Variants in PPP3CC observed in about 807,000 individuals in gnomAD.
The protein encoded by PPP3CC is protein phosphatase 3 catalytic subunit gamma, also known as serine/threonine-protein phosphatase 2B catalytic subunit gamma isoform.
A neutral mutation model predicts 60.3 loss-of-function variants in PPP3CC; 35 were observed. The ratio of observed to expected loss-of-function variants is 0.58; its 90% CI spans 0.44 to 0.77. PPP3CC has a LOEUF of 0.77. Ranked by LOEUF, PPP3CC falls within the 30% of genes least tolerant of loss-of-function variation. PPP3CC has a pLI of 0.00. For synonymous variants in PPP3CC, 206 were observed against 224.3 expected (o/e 0.92, Z 0.73); for missense variants, 570 against 628.9 (o/e 0.91, Z 1.00).
chr8:22,524,774 T>C (rs1234224728), intron 8 of PPP3CC, among the ~76,000 whole-genome samples: 2 of 152,214 alleles, frequency 1.3e-5, no homozygotes, highest in Non-Finnish European at 2.9e-5. Flanking sequence ...GCAGGCACTA[T>C]ACAGCTCACT....
intron 3 of PPP3CC, among the ~76,000 whole-genome samples, chr8:22,483,309 C>T (rs185583899): frequency 1.7e-4 from 26 of 152,220 alleles, no homozygotes; most frequent in Admixed American, 1.0e-3. Context: ...TATTTTGACA[C>T]GGAGTCTCGC....
intron 1 of PPP3CC, among the ~76,000 whole-genome samples, chr8:22,470,679 A>T (rs767706507): frequency 1.4e-4 from 21 of 152,244 alleles, no homozygotes; most frequent in Non-Finnish European, 2.1e-4. Flanking sequence ...ATCACTACTC[A>T]TCAGGGAAAT....
At chr8:22,464,977 T>C (rs1451242273) in intron 1 of PPP3CC, among the ~76,000 whole-genome samples, 2 of 120,076 alleles carry the variant, frequency 1.7e-5, no homozygotes, top group Non-Finnish European at 3.6e-5. Flanking sequence ...AGACTCTCCC[T>C]TTTTTTTTTT....
intron 12 of PPP3CC, among the ~76,000 whole-genome samples, chr8:22,536,335 T>C (rs765482067): frequency 6.6e-6 from 1 of 152,152 alleles, no homozygotes; most frequent in Non-Finnish European, 1.5e-5. Flanking sequence ...GGCAGTAACA[T>C]GAGTTAAGAG....
chr8:22,503,055 T>C (rs1184183813), intron 4 of PPP3CC, among the ~76,000 whole-genome samples: 2 of 152,136 alleles, frequency 1.3e-5, no homozygotes, highest in East Asian at 3.9e-4. Context: ...AATTATTTTT[T>C]ACCACCACTA....
chr8:22,444,778 T>A (rs1308826668), intron 1 of PPP3CC, among the ~76,000 whole-genome samples: 4 of 152,256 alleles, frequency 2.6e-5, no homozygotes, highest in South Asian at 2.1e-4. Flanking sequence ...TTATATGCAC[T>A]GGGGCACCAT....
At chr8:22,443,037 A>C (rs1056597213) in intron 1 of PPP3CC, among the ~76,000 whole-genome samples, 2 of 152,174 alleles carry the variant, frequency 1.3e-5, no homozygotes, top group Non-Finnish European at 2.9e-5. Flanking sequence ...ACTGTGGGTC[A>C]AGTCAGAATA....
intron 6 of PPP3CC, among the ~76,000 whole-genome samples, 186 bp from the exon 7 acceptor site, chr8:22,522,305 G>A (rs1484936998): frequency 6.6e-6 from 1 of 152,044 alleles, no homozygotes; most frequent in Non-Finnish European, 1.5e-5. Flanking sequence ...TTGATCTGTA[G>A]TGAAGTATAT....
At chr8:22,470,510 C>G (rs1239566403) in intron 1 of PPP3CC, among the ~76,000 whole-genome samples, 1 of 152,018 alleles carries the variant, frequency 6.6e-6, no homozygotes, top group African/African-American at 2.4e-5. Flanking sequence ...ACAAAAAAGG[C>G]TTTACATCTG....
At chr8:22,453,254 GGATCTTGGCGA>G (rs1279322079) in intron 1 of PPP3CC, among the ~76,000 whole-genome samples, 2 of 152,240 alleles carry the variant, frequency 1.3e-5, no homozygotes, top group East Asian at 1.9e-4. Flanking sequence ...AATCAATCTT[GGATCTTGGCGA>G]GATTTGACAG....
intron 10 of PPP3CC, chr8:22,531,339 A>G (rs1839711218): frequency 6.6e-7 from 1 of 1,526,188 alleles, no homozygotes; most frequent in Non-Finnish European, 8.8e-7. Context: ...GTATCCGACT[A>G]AACTGTGCTA....
chr8:22,489,664 A>ATATATAAGTATATAT (rs1838326265), intron 3 of PPP3CC, among the ~76,000 whole-genome samples: 1 of 141,184 alleles, frequency 7.1e-6, no homozygotes, highest in African/African-American at 2.6e-5. Context: ...AGTATATATT[A>ATATATAAGTATATAT]TATATAAGTA....
rs557089522 is a variant in PPP3CC, at chr8:22,471,280, C to CTT, written c.50-3657_50-3656dup. On this transcript the variant is annotated intron_variant, in intron 1 of 13. Transcript: ENST00000240139. Reference sequence around the variant, plus strand: ...AATATTCCCTTACTCCTTGATCATTCTTTTTTTTTTTTTTTTTTGAGACTG... The same window carrying CTT: ...AATATTCCCTTACTCCTTGATCATTCTTTTTTTTTTTTTTTTTTTTGAGACTG... Among the ~76,000 whole-genome samples the CTT allele has an allele frequency of 5.6e-3, 723 of 128,622 alleles. 7 individuals are homozygous for CTT. The highest frequency in any genetic ancestry group is 0.011 in the African/African-American group (372 of 34,772). The allele number at this position is 128,622 out of a possible 152,430, so 84.4% of individuals were successfully genotyped here.
At chr8:22,489,672 G>GTATATATTATATATAA (rs1838327474) in intron 3 of PPP3CC, among the ~76,000 whole-genome samples, 2 of 94,908 alleles carry the variant, frequency 2.1e-5, no homozygotes, top group African/African-American at 3.6e-5. Flanking sequence ...TTATATATAA[G>GTATATATTATATATAA]TATATATTAT....
chr8:22,486,799 G>T (rs1333316972), intron 3 of PPP3CC, among the ~76,000 whole-genome samples: 1 of 149,536 alleles, frequency 6.7e-6, no homozygotes, highest in East Asian at 2.0e-4. Context: ...GCACCATCTC[G>T]GCTCACTGCA....
intron 10 of PPP3CC, among the ~76,000 whole-genome samples, chr8:22,531,639 A>G (rs1839719141): frequency 6.6e-6 from 1 of 152,242 alleles, no homozygotes; most frequent in Non-Finnish European, 1.5e-5. Flanking sequence ...TAAAGTCTTA[A>G]GTTAACTTTT....
chr8:22,540,950 C>T lies in PPP3CC; in HGVS notation c.*148C>T. 1 of 650,096 alleles carries T rather than the reference C, an allele frequency of 1.5e-6. No individual in the cohort carries two copies. Among genetic ancestry groups the T allele is most frequent in the Non-Finnish European group, 2.3e-6 (1 of 438,090 alleles). 40.3% of individuals were successfully genotyped at this position (650,096 alleles called of 1,614,324 possible). A position where few individuals can be genotyped will look rare whatever the true frequency, so the allele number is the denominator to read the frequency against. ...CTGCATTTATTCTGTAAAAAGGTGGCTGTTTTATAAATTCTTTTAATTTAT... is the reference window on the plus strand; with the variant it reads ...CTGCATTTATTCTGTAAAAAGGTGGTTGTTTTATAAATTCTTTTAATTTAT... On this transcript the variant is annotated 3_prime_UTR_variant, in exon 14 of 14. Coordinates refer to ENST00000240139, the MANE Select transcript of PPP3CC (RefSeq NM_005605.5).
chr8:22,451,133 C>T (rs1245484517), intron 1 of PPP3CC, among the ~76,000 whole-genome samples: 4 of 148,764 alleles, frequency 2.7e-5, no homozygotes, highest in African/African-American at 5.0e-5. Context: ...GCCACCGCAC[C>T]CGGCCCATTT....
rs758028713 is a variant in PPP3CC, at chr8:22,532,946, C to G, written c.1249C>G (p.Leu417Val). 5 of 1,603,818 alleles carry G rather than the reference C, an allele frequency of 3.1e-6. No homozygotes were observed. The African/African-American group carries it at 6.7e-5, about 22-fold the overall frequency. ...GCAAGAAAGTGAGAGTGTGCTGACT[C>G]TCAAGGGCCTGACTCCCACAGGCAC... ...LRQESESVLT[L>V]KGLTPTGTLP... The change falls in exon 12 of 14, where the codon CTC becomes GTC. Residue 417 changes from leucine (L) to valine (V), a missense_variant. Coordinates refer to ENST00000240139, the MANE Select transcript of PPP3CC (RefSeq NM_005605.5).
Sources: gnomAD v4.1 joint callset for allele counts (sites outside exome capture counted in the v4.1 genomes callset) on GRCh38, gnomAD v4.1.1 for gene constraint, MANE v1.5 for transcripts, NCBI Gene and HGNC (gene_info 2026-07-23, HGNC 2026-07-21) for gene names.